RPTOR: variants seen among roughly 807,000 people sequenced by gnomAD.
RPTOR encodes regulatory associated protein of MTOR complex 1.
RPTOR carries 21 observed loss-of-function variants against 169.9 expected under a neutral mutation model. The ratio of observed to expected loss-of-function variants is 0.12; its 90% confidence interval spans 0.09 to 0.18. The LOEUF is 0.18. Among genes scored for constraint, RPTOR ranks in the 10% least tolerant of loss-of-function variants. RPTOR has a pLI of 1.00. For missense variants in RPTOR, 1,133 were observed against 1,855.9 expected (o/e 0.61, Z 7.16); for synonymous variants, 732 against 753.2 (o/e 0.97, Z 0.46).
At chr17:80,744,241 T>A (rs113899599) in intron 5 of RPTOR, among the ~76,000 whole-genome samples, 1 of 8,024 alleles carries the variant, frequency 1.2e-4, no homozygotes. Context: ...ACAGCCCTGG[T>A]TACTAGCACT....
At chr17:80,578,368 G>T (rs1404944775) in intron 1 of RPTOR, among the ~76,000 whole-genome samples, 1 of 152,174 alleles carries the variant, frequency 6.6e-6, no homozygotes, top group African/African-American at 2.4e-5. Flanking sequence ...CTCCAAAGTG[G>T]CGTGTCAGCT....
chr17:80,743,773 TTACTAGCAGAGCCCTGGC>T (rs796109645), intron 5 of RPTOR, among the ~76,000 whole-genome samples: 20 of 103,036 alleles, frequency 1.9e-4, no homozygotes, highest in African/African-American at 7.4e-4. Context: ...ACTCTCCTGG[TTACTAGCAGAGCCCTGGC>T]TACTAGCACA....
intron 1 of RPTOR, among the ~76,000 whole-genome samples, chr17:80,614,878 C>T (rs555055727): frequency 1.3e-5 from 2 of 152,198 alleles, no homozygotes; most frequent in Non-Finnish European, 2.9e-5. Flanking sequence ...CTGTTGCCTT[C>T]GTCACCAGGA....
intron 7 of RPTOR, among the ~76,000 whole-genome samples, chr17:80,793,574 A>G (rs897658333): frequency 2.0e-5 from 3 of 152,126 alleles, no homozygotes; most frequent in African/African-American, 7.2e-5. Flanking sequence ...CGTGTGGGAC[A>G]GTGTCTCGTC....
chr17:80,961,510 C>G, intron 31 of RPTOR, 30 bp downstream of exon 31: 2 of 1,542,414 alleles, frequency 1.3e-6, no homozygotes, highest in Non-Finnish European at 8.8e-7. Context: ...AGCAGCCGTT[C>G]TGCTGTAAAA....
chr17:80,662,222 C>T (rs528092014), intron 3 of RPTOR, among the ~76,000 whole-genome samples: 3 of 152,308 alleles, frequency 2.0e-5, no homozygotes, highest in Admixed American at 6.5e-5. Flanking sequence ...CGAGGCCAGC[C>T]GCCTTCTGCC....
chr17:80,964,802 C>G lies in RPTOR; in HGVS notation c.*472C>G. On this transcript the variant is annotated 3_prime_UTR_variant, in exon 34 of 34. Coordinates refer to ENST00000306801, the MANE Select transcript of RPTOR (RefSeq NM_020761.3). Reference sequence around the variant, plus strand: ...AGCGAGAGGCGCTGCCCCAGCCAGGCCCACCACCTCTCACAGTCAGTGCAC... The same window carrying G: ...AGCGAGAGGCGCTGCCCCAGCCAGGGCCACCACCTCTCACAGTCAGTGCAC... The G allele has an allele frequency of 4.2e-6, 1 of 240,844 alleles. No homozygotes were observed. Among genetic ancestry groups the G allele is most frequent in the Non-Finnish European group, 8.2e-6 (1 of 122,554 alleles). 14.9% of individuals were successfully genotyped at this position (240,844 alleles called of 1,614,324 possible).
chr17:80,787,279 G>A (rs1480525158), intron 6 of RPTOR, among the ~76,000 whole-genome samples: 2 of 152,106 alleles, frequency 1.3e-5, no homozygotes, highest in Non-Finnish European at 2.9e-5. Context: ...TTCCCACTTA[G>A]CATTGTGTTG....
intron 1 of RPTOR, among the ~76,000 whole-genome samples, chr17:80,548,495 C>T (rs1414100753): frequency 2.7e-5 from 4 of 148,666 alleles, no homozygotes; most frequent in Admixed American, 6.9e-5. Flanking sequence ...TATTCTCCTG[C>T]CTCAGCCTCC....
At position 80,551,576 on chromosome 17, in the gene RPTOR, A is replaced by G. The variant is rs749882726; in HGVS notation, c.162+5785A>G. Among the ~76,000 whole-genome samples the G allele has an allele frequency of 2.2e-3, 338 of 152,354 alleles. 1 individual carries two copies. The highest frequency in any genetic ancestry group is 3.9e-3 in the Non-Finnish European group (266 of 68,034). On this transcript the variant is annotated intron_variant, in intron 1 of 33. Transcript: ENST00000306801. ...TTTACAAAGCAGTATTGCTGCCCGCATGTCCCACCTCCAGCCCTAAGGCAG... is the reference window on the plus strand; with the variant it reads ...TTTACAAAGCAGTATTGCTGCCCGCGTGTCCCACCTCCAGCCCTAAGGCAG...
chr17:80,822,122 C>G (rs1381290315), intron 7 of RPTOR, 79 bp from the exon 8 acceptor site: 5 of 1,429,440 alleles, frequency 3.5e-6, no homozygotes, highest in Non-Finnish European at 4.9e-6. Context: ...CGCCCGCGCC[C>G]TTTTTTCTTG....
At chr17:80,839,735 C>G (rs1378314467) in intron 10 of RPTOR, among the ~76,000 whole-genome samples, 1 of 152,240 alleles carries the variant, frequency 6.6e-6, no homozygotes, top group Admixed American at 6.5e-5. Flanking sequence ...ACTGGCCTTT[C>G]TGTACTCTGA....
chr17:80,848,005 TAGGACTGAGGCTTC>T (rs2067751869), intron 11 of RPTOR, among the ~76,000 whole-genome samples: 2 of 152,370 alleles, frequency 1.3e-5, no homozygotes, highest in South Asian at 4.1e-4. Flanking sequence ...AGGCGTGCTG[TAGGACTGAGGCTTC>T]ACCTCGTTCA....
chr17:80,829,988 T>A (rs2067485758), intron 9 of RPTOR, among the ~76,000 whole-genome samples: 1 of 152,204 alleles, frequency 6.6e-6, no homozygotes, highest in African/African-American at 2.4e-5. Flanking sequence ...GTCAGTTCCA[T>A]TTAATGCTGA....
chr17:80,922,841 G>T lies in RPTOR; in HGVS notation c.2624+14G>T. On this transcript the variant is annotated intron_variant, in intron 22 of 33. Coordinates refer to ENST00000306801, the MANE Select transcript of RPTOR (RefSeq NM_020761.3). ...CCACCAGGCGGGGTAAGTGCCGCCCGCTCAGCCTGCAGGTCCGTGGTGGTG... is the reference window on the plus strand; with the variant it reads ...CCACCAGGCGGGGTAAGTGCCGCCCTCTCAGCCTGCAGGTCCGTGGTGGTG... 1.9e-6 allele frequency: 3 copies of T among 1,543,924 alleles called. No homozygotes were observed. The highest frequency in any genetic ancestry group is 1.4e-5 in the African/African-American group (1 of 73,244).
Position 80,945,777 on chromosome 17 carries a change from A to G in RPTOR, c.3136A>G (p.Ile1046Val). The G allele has an allele frequency of 6.2e-7, 1 of 1,606,246 alleles. No individual in the cohort carries two copies. Among genetic ancestry groups the G allele is most frequent in the South Asian group, 1.1e-5 (1 of 90,458 alleles). ...PCIAVADKDS[I>V]CFWDWEKGEK... ...CATCGCCGTAGCCGACAAGGACAGCATCTGGTATGCACCGCGCTGGTCAGG... is the reference window on the plus strand; with the variant it reads ...CATCGCCGTAGCCGACAAGGACAGCGTCTGGTATGCACCGCGCTGGTCAGG... Residue 1046 changes from isoleucine to valine, a missense_variant, in exon 26 of 34, where the codon ATC becomes GTC. Coordinates refer to ENST00000306801, the MANE Select transcript of RPTOR (RefSeq NM_020761.3).
At chr17:80,554,461 A>G (rs2084381543) in intron 1 of RPTOR, among the ~76,000 whole-genome samples, 1 of 152,072 alleles carries the variant, frequency 6.6e-6, no homozygotes, top group Non-Finnish European at 1.5e-5. Context: ...TGAGAATCCA[A>G]GGTGGGGTGC....
At chr17:80,881,305 G>A (rs1174148324) in intron 14 of RPTOR, among the ~76,000 whole-genome samples, 2 of 152,222 alleles carry the variant, frequency 1.3e-5, no homozygotes, top group African/African-American at 4.8e-5. Flanking sequence ...ACTTTGTGTT[G>A]TATTGAAACA....
At chr17:80,821,583 ACT>A (rs537370049) in intron 7 of RPTOR, among the ~76,000 whole-genome samples, 6 of 150,956 alleles carry the variant, frequency 4.0e-5, no homozygotes, top group Non-Finnish European at 7.4e-5. Context: ...CCCCCCGCCC[ACT>A]CTCTGTCGTA....
Sources: gnomAD v4.1 joint callset for allele counts (sites outside exome capture counted in the v4.1 genomes callset) on GRCh38, gnomAD v4.1.1 for gene constraint, MANE v1.5 for transcripts, NCBI Gene and HGNC (gene_info 2026-07-23, HGNC 2026-07-21) for gene names.